Variants in SNRNP200 observed in about 807,000 individuals in gnomAD.
SNRNP200 encodes the protein small nuclear ribonucleoprotein U5 subunit 200.
Under a neutral mutation model 255.2 loss-of-function variants are expected in SNRNP200, and 66 were observed. The ratio of observed to expected loss-of-function variants is 0.26; its 90% CI spans 0.21 to 0.32. The LOEUF is 0.32. Ranked by LOEUF, SNRNP200 falls within the 10% of genes least tolerant of loss-of-function variation. The pLI is 1.00. For missense variants in SNRNP200, 1,585 were observed against 2,749.8 expected, an observed-to-expected ratio of 0.58 and a Z score of 9.47; for synonymous variants, 939 against 1,027.8, an observed-to-expected ratio of 0.91 and a Z score of 1.65.
intron 36 of SNRNP200, chr2:96,279,220 G>A: frequency 1.5e-6 from 1 of 645,222 alleles, no homozygotes; most frequent in Non-Finnish European, 2.8e-6. Context: ...CAAGGAGGAA[G>A]GAGAGAACCA....
chr2:96,274,676 G>A lies in SNRNP200; in HGVS notation c.*336C>T, dbSNP rs1199744600. On this transcript the variant is annotated 3_prime_UTR_variant, in exon 45 of 45. Coordinates refer to ENST00000323853, the MANE Select transcript of SNRNP200 (RefSeq NM_014014.5). ...AAAAAATAACCAGATCTTTTTGGCC[G>A]TGCCCTCAGGTTGGAGAAAGAAAAC... 1.1e-5 allele frequency: 4 copies of A among 366,488 alleles called. No homozygotes were observed. Among genetic ancestry groups the A allele is most frequent in the East Asian group, 6.8e-5 (1 of 14,666 alleles). 22.7% of individuals were successfully genotyped at this position (366,488 alleles called of 1,614,324 possible). A position where few individuals can be genotyped will look rare whatever the true frequency, so the allele number is the denominator to read the frequency against.
At chr2:96,300,562 GACCACCTTGGCTAAC>G (rs2063945935) in intron 5 of SNRNP200, among the ~76,000 whole-genome samples, 1 of 152,140 alleles carries the variant, frequency 6.6e-6, no homozygotes, top group Admixed American at 6.5e-5. Context: ...AGGAGATCAA[GACCACCTTGGCTAAC>G]ACGGTGAAAC....
intron 34 of SNRNP200, chr2:96,282,899 G>A (rs2063812663): frequency 2.1e-6 from 1 of 486,358 alleles, no homozygotes; most frequent in Non-Finnish European, 3.8e-6. Flanking sequence ...GGGGAGTCTG[G>A]TATCCACGGA....
At chr2:96,300,099 C>A (rs932176305) in intron 5 of SNRNP200, among the ~76,000 whole-genome samples, 1 of 152,128 alleles carries the variant, frequency 6.6e-6, no homozygotes, top group Non-Finnish European at 1.5e-5. Flanking sequence ...TCTCCCCGTG[C>A]GACCCCTTCT....
In SNRNP200 at chr2:96,284,455, C is replaced by T; in HGVS notation, c.4295G>A (p.Trp1432Ter). ...GNIIISTPEK[W>*]DILSRRWKQR... ...CTTCCATCGCCGGGAAAGTATGTCC[C>T]ACTTCTCAGGGGTGCTGATGATAAT... Residue 1432 changes from tryptophan (W) to a stop codon, truncating the protein, a stop_gained, in exon 31 of 45, where the codon TGG (tryptophan) becomes TAG (stop). Transcript: ENST00000323853. LOFTEE classifies it high-confidence loss of function. 3 of 1,614,192 alleles carry T rather than the reference C, an allele frequency of 1.9e-6. No homozygotes were observed. Among genetic ancestry groups the T allele is most frequent in the Non-Finnish European group, 2.5e-6 (3 of 1,180,034 alleles).
In SNRNP200 at chr2:96,277,070, C is replaced by T; in HGVS notation, c.6092+11G>A. 1 of 1,614,208 alleles carries T rather than the reference C, an allele frequency of 6.2e-7. No homozygotes were observed. Among genetic ancestry groups the T allele is most frequent in the Non-Finnish European group, 8.5e-7 (1 of 1,180,034 alleles). The stretch of plus-strand genomic sequence containing the variant: ...TTATGCTGTGCCCAACAGGCACCAC[C>T]TCTGGCTCACCTGCGGATGCTGTCC... On this transcript the variant is annotated intron_variant, in intron 42 of 44. Coordinates refer to ENST00000323853, the MANE Select transcript of SNRNP200 (RefSeq NM_014014.5). The surrounding 1 kb of genome is among the most constrained non-coding windows in gnomAD (Gnocchi z 4.4).
rs910941080 is a variant in SNRNP200 at position 96,275,090 on chromosome 2, G to A, written c.6333C>T (p.Asp2111=). The part of the protein sequence containing the change: ...AHNYTLYFMS[D]AYMGCDQEYK... ...ACTCCTGGTCACATCCCATGTAAGCGTCACTCATGAAGTACAGAGTGTAGT... is the reference window on the plus strand; with the variant it reads ...ACTCCTGGTCACATCCCATGTAAGCATCACTCATGAAGTACAGAGTGTAGT... The change falls in exon 45 of 45, where the codon GAC becomes GAT. Residue 2111 remains aspartate (D), a synonymous_variant. Transcript: ENST00000323853. The A allele has an allele frequency of 1.9e-5, 30 of 1,614,056 alleles. No homozygotes were observed. The highest frequency in any genetic ancestry group is 9.3e-5 in the African/African-American group (7 of 74,928).
At position 96,291,715 on chromosome 2, in the gene SNRNP200, G is replaced by C. The variant is rs2063885206; in HGVS notation, c.2310+36C>G. ...GGGCCTGAGATGGACACAGCTGCCAGGTAGGAATGAGAGAACCCAGCTGGC... is the reference window on the plus strand; with the variant it reads ...GGGCCTGAGATGGACACAGCTGCCACGTAGGAATGAGAGAACCCAGCTGGC... On this transcript the variant is annotated intron_variant, in intron 17 of 44. Coordinates refer to ENST00000323853, the MANE Select transcript of SNRNP200 (RefSeq NM_014014.5). The surrounding 1 kb of genome is among the most constrained non-coding windows in gnomAD (Gnocchi z 4.2). The C allele has an allele frequency of 6.2e-7, 1 of 1,612,800 alleles. No individual in the cohort carries two copies. The highest frequency in any genetic ancestry group is 1.3e-5 in the African/African-American group (1 of 75,046).
Position 96,278,361 on chromosome 2 carries a change from G to C in SNRNP200, c.5489-3C>G. The C allele has an allele frequency of 6.2e-7, 1 of 1,614,130 alleles. No individual in the cohort carries two copies. On this transcript the variant is annotated splice_region_variant and splice_polypyrimidine_tract_variant and intron_variant, in intron 38 of 44. Coordinates refer to ENST00000323853, the MANE Select transcript of SNRNP200 (RefSeq NM_014014.5). This position sits in a 1 kb window ranked among gnomAD's most constrained non-coding sequence, Gnocchi z 6.9. ...ATTGAGGGACATGCTGAAGAGCTCT[G>C]ACAGAAAAAGGAAATGTGAGAGAAG...
chr2:96,291,260 C>T lies in SNRNP200; in HGVS notation c.2421+132G>A. ...ATAAGGTTCTATTTATTGTGTCCAC[C>T]ACAACCCTCTGACCTGGGCTAGCTG... On this transcript the variant is annotated intron_variant, in intron 18 of 44. Transcript: ENST00000323853. The surrounding 1 kb of genome is among the most constrained non-coding windows in gnomAD (Gnocchi z 4.2). The T allele has an allele frequency of 1.3e-6, 1 of 767,904 alleles. No individual in the cohort carries two copies. Among genetic ancestry groups the T allele is most frequent in the Non-Finnish European group, 2.4e-6 (1 of 419,618 alleles). 47.6% of individuals were successfully genotyped at this position (767,904 alleles called of 1,614,324 possible).
rs773267724 is a variant in SNRNP200 at position 96,283,270 on chromosome 2, C to G, written c.4846G>C (p.Gly1616Arg). 4 of 1,614,016 alleles carry G rather than the reference C, an allele frequency of 2.5e-6. No individual in the cohort carries two copies. The highest frequency in any genetic ancestry group is 3.4e-6 in the Non-Finnish European group (4 of 1,180,038). The change falls in exon 34 of 45, where the codon GGG (glycine) becomes CGG (arginine). Residue 1616 changes from glycine (G) to arginine (R), a missense_variant. Gly to Arg is a moderately radical substitution (Grantham distance 125). Transcript: ENST00000323853. The surrounding 1 kb of genome is among the most constrained non-coding windows in gnomAD (Gnocchi z 4.7). The stretch of plus-strand genomic sequence containing the variant: ...AGCCCCTCATGCAGGTAGCCCACCC[C>G]ATTTAGCAGCGTTTCCTTGAGCGTG... ...DSTLKETLLN[G>R]VGYLHEGLSP...
At chr2:96,301,386 G>A (rs1276766536) in intron 4 of SNRNP200, 138 bp downstream of exon 4, 2 of 946,824 alleles carry the variant, frequency 2.1e-6, no homozygotes, top group African/African-American at 1.6e-5. Context: ...TCCATCAATT[G>A]TAACTCTTCA....
At position 96,287,482 on chromosome 2, in the gene SNRNP200, ATTC is replaced by A. The variant is rs1271663045; in HGVS notation, c.3438_3440del (p.Lys1146del). On this transcript the variant is annotated inframe_deletion, in exon 26 of 45. Coordinates refer to ENST00000323853, the MANE Select transcript of SNRNP200 (RefSeq NM_014014.5). This position sits in a 1 kb window ranked among gnomAD's most constrained non-coding sequence, Gnocchi z 5.7. ...GGTCGTACAGACGCTCAAAGGGGAA[ATTC>A]TTCTTCTCAATCTTCTTCACTACTT... 1.2e-6 allele frequency: 2 copies of A among 1,613,682 alleles called. No homozygotes were observed. The highest frequency in any genetic ancestry group is 1.3e-5 in the African/African-American group (1 of 74,898).
intron 30 of SNRNP200, chr2:96,284,787 T>G: frequency 1.7e-6 from 1 of 586,180 alleles, no homozygotes; most frequent in Non-Finnish European, 3.0e-6. Context: ...CTCGCTCTTG[T>G]TGCCCAGGCT....
chr2:96,288,432 G>A lies in SNRNP200; in HGVS notation c.3258+231C>T, dbSNP rs998429258. On this transcript the variant is annotated intron_variant, in intron 24 of 44. Transcript: ENST00000323853. ...GCTCTTCCTGTCTCTCTGAGGGCCC[G>A]TGGAGCCTCGAAGCATTCCCTCTTA... 1.2e-4 allele frequency among the ~76,000 whole-genome samples: 18 copies of A among 152,188 alleles called. 1 individual carries two copies. Among genetic ancestry groups the A allele is most frequent in the African/African-American group, 4.1e-4 (17 of 41,444 alleles).
intron 11 of SNRNP200, 89 bp from the exon 12 acceptor site, chr2:96,297,159 C>T: frequency 1.9e-6 from 3 of 1,593,112 alleles, no homozygotes; most frequent in Non-Finnish European, 2.6e-6. Context: ...TGTTCCCTGG[C>T]AATCTCTTTG....
chr2:96,283,630 C>T lies in SNRNP200; in HGVS notation c.4668G>A (p.Lys1556=). ...ACGGCACAAAGACAATGACAGGCTT[C>T]TTGGGCGAGTGCTTGGTGATAGCAT... ...VYHAITKHSP[K]KPVIVFVPSR... The change falls in exon 33 of 45, where the codon AAG becomes AAA. Residue 1556 remains lysine, a synonymous_variant. Coordinates refer to ENST00000323853, the MANE Select transcript of SNRNP200 (RefSeq NM_014014.5). The surrounding 1 kb of genome is among the most constrained non-coding windows in gnomAD (Gnocchi z 4.7). The T allele has an allele frequency of 6.2e-7, 1 of 1,614,120 alleles. No individual in the cohort carries two copies. Among genetic ancestry groups the T allele is most frequent in the East Asian group, 2.2e-5 (1 of 44,890 alleles).
At chr2:96,288,884 T>C (rs2063866668) in intron 23 of SNRNP200, 138 bp from the exon 24 acceptor site, 5 of 1,034,770 alleles carry the variant, frequency 4.8e-6, no homozygotes, top group Non-Finnish European at 7.4e-6. Context: ...ATAATTGTTA[T>C]TTCATATAAA....
At position 96,301,661 on chromosome 2, in the gene SNRNP200, T is replaced by G; in HGVS notation, c.437A>C (p.Glu146Ala). ...TCGCCTTTCCTTGTCCCGCAGCTTTTCATTCTTTAGAACAGCTAGAACTTC... is the reference window on the plus strand; with the variant it reads ...TCGCCTTTCCTTGTCCCGCAGCTTTGCATTCTTTAGAACAGCTAGAACTTC... ...ADEVLAVLKN[E>A]KLRDKERRKE... is the part of the protein sequence containing the mutation. Residue 146 changes from glutamate to alanine, a missense_variant, in exon 4 of 45, where the codon GAA becomes GCA. Physicochemically the swap from Glu to Ala is moderately radical, Grantham distance 107. This residue lies in a region of SNRNP200 where 383 missense variants were observed against 645.3 expected (regional missense o/e 0.59). Coordinates refer to ENST00000323853, the MANE Select transcript of SNRNP200 (RefSeq NM_014014.5). 1 of 1,614,224 alleles carries G rather than the reference T, an allele frequency of 6.2e-7. No individual in the cohort carries two copies. Among genetic ancestry groups the G allele is most frequent in the Non-Finnish European group, 8.5e-7 (1 of 1,180,038 alleles).
Sources: allele counts gnomAD v4.1 joint callset (sites outside exome capture counted in the v4.1 genomes callset), GRCh38; gene constraint gnomAD v4.1.1; regional missense constraint gnomAD v4.1.1; non-coding constraint Gnocchi (gnomAD v3.1); transcripts MANE v1.5; gene names NCBI Gene and HGNC (gene_info 2026-07-23, HGNC 2026-07-21).